Variants in FSD1L observed in about 807,000 individuals in gnomAD.
FSD1L encodes FSD1-like protein.
In FSD1L, 45 loss-of-function variants were observed where a neutral mutation model predicts 71.6. That is an observed-to-expected ratio of 0.63 (90% CI 0.49 to 0.81). FSD1L has a LOEUF of 0.81. Ranked by LOEUF, FSD1L falls within the 30% of genes least tolerant of loss-of-function variation. The pLI is 0.00. For missense variants in FSD1L, 561 were observed against 618.1 expected, an observed-to-expected ratio of 0.91 and a Z score of 0.98; for synonymous variants, 197 against 207.2, an observed-to-expected ratio of 0.95 and a Z score of 0.42.
chr9:105,507,538 C>T (rs776025799), intron 8 of FSD1L, among the ~76,000 whole-genome samples: 1 of 152,162 alleles, frequency 6.6e-6, no homozygotes, highest in Non-Finnish European at 1.5e-5. Context: ...AAAACAGGCT[C>T]GGTCAAGTTG....
intron 7 of FSD1L, among the ~76,000 whole-genome samples, chr9:105,489,245 CT>C (rs1832759341): frequency 6.6e-6 from 1 of 151,992 alleles, no homozygotes; most frequent in African/African-American, 2.4e-5. Flanking sequence ...CTACATATGC[CT>C]TTTTTGGGGC....
intron 10 of FSD1L, among the ~76,000 whole-genome samples, chr9:105,519,552 C>A (rs1375000483): frequency 6.6e-6 from 1 of 152,186 alleles, no homozygotes; most frequent in Non-Finnish European, 1.5e-5. Flanking sequence ...ACAAAAACCA[C>A]ATGATTATCT....
chr9:105,455,179 T>C (rs928461435), intron 1 of FSD1L, among the ~76,000 whole-genome samples: 2 of 152,234 alleles, frequency 1.3e-5, no homozygotes, highest in Non-Finnish European at 2.9e-5. Flanking sequence ...CTCACCTGAA[T>C]GTGTCTTCTG....
At chr9:105,463,310 A>T (rs1411704033) in intron 2 of FSD1L, among the ~76,000 whole-genome samples, 1 of 152,204 alleles carries the variant, frequency 6.6e-6, no homozygotes, top group South Asian at 2.1e-4. Context: ...TACAGAAAAA[A>T]GTCCTATGCT....
chr9:105,515,944 T>C (rs1328578425), intron 10 of FSD1L, among the ~76,000 whole-genome samples: 2 of 152,142 alleles, frequency 1.3e-5, no homozygotes, highest in African/African-American at 4.8e-5. Context: ...ATCCACTGGC[T>C]TGAAATTCTT....
chr9:105,466,169 T>C (rs536085050), intron 3 of FSD1L, among the ~76,000 whole-genome samples: 2 of 152,048 alleles, frequency 1.3e-5, no homozygotes, highest in Non-Finnish European at 2.9e-5. Context: ...AAAATAGGAA[T>C]AAATTTACCT....
upstream of FSD1L, among the ~76,000 whole-genome samples, chr9:105,444,144 G>T (rs1057161448): frequency 6.6e-6 from 1 of 152,134 alleles, no homozygotes; most frequent in African/African-American, 2.4e-5. Flanking sequence ...AGGCCCCAAA[G>T]ATCCAGAAGG....
At chr9:105,475,274 A>T (rs564977754) in intron 5 of FSD1L, among the ~76,000 whole-genome samples, 7 of 152,198 alleles carry the variant, frequency 4.6e-5, no homozygotes, top group Non-Finnish European at 1.0e-4. Flanking sequence ...TTTCCTATCC[A>T]TGGGGTCCCT....
At chr9:105,496,201 GC>G (rs1833389237) in intron 7 of FSD1L, among the ~76,000 whole-genome samples, 1 of 135,574 alleles carries the variant, frequency 7.4e-6, no homozygotes, top group African/African-American at 2.7e-5. Flanking sequence ...GATGACTGTA[GC>G]TTTTTTTTTT....
chr9:105,470,835 T>C (rs1831407144), intron 4 of FSD1L, among the ~76,000 whole-genome samples: 1 of 152,132 alleles, frequency 6.6e-6, no homozygotes, highest in Non-Finnish European at 1.5e-5. Flanking sequence ...TAAATACTAA[T>C]AAGAAATGAA....
At chr9:105,448,691 A>G (rs1432046479) in intron 1 of FSD1L, among the ~76,000 whole-genome samples, 1 of 152,104 alleles carries the variant, frequency 6.6e-6, no homozygotes, top group African/African-American at 2.4e-5. Flanking sequence ...TCTCAGCACC[A>G]CGCTCTTTAG....
At position 105,536,915 on chromosome 9, in the gene FSD1L, C is replaced by G. The variant is rs188262712; in HGVS notation, c.1378+1597C>G. ...GCCTCCCAAAGTGCAGGGATTACTG[C>G]CATGAGCCACCACACCCAGCCAGTT... On this transcript the variant is annotated intron_variant, in intron 12 of 13. Coordinates refer to ENST00000481272, the MANE Select transcript of FSD1L (RefSeq NM_001145313.3). Among the ~76,000 whole-genome samples the G allele has an allele frequency of 9.2e-3, 1,402 of 152,208 alleles. 22 individuals are homozygous for G. Among genetic ancestry groups the G allele is most frequent in the African/African-American group, 0.032 (1,343 of 41,528 alleles).
chr9:105,521,119 A>G lies in FSD1L; in HGVS notation c.1025+8183A>G, dbSNP rs1430102286. The G allele has an allele frequency of 1.1e-5, 17 of 1,613,630 alleles. No individual in the cohort carries two copies. The African/African-American group carries it at 1.9e-4, about 18-fold the overall frequency. The stretch of plus-strand genomic sequence containing the variant: ...ATAAAGAAAGATGCTGAAACCAATG[A>G]AGCAATCTATTGTACAAAGGAGCCT... On this transcript the variant is annotated intron_variant, in intron 10 of 13. Transcript: ENST00000481272.
intron 1 of FSD1L, among the ~76,000 whole-genome samples, chr9:105,452,661 G>GCCTTCCTCCCTT (rs1442328790): frequency 5.0e-4 from 48 of 95,298 alleles, no homozygotes; most frequent in Non-Finnish European, 7.3e-4. Flanking sequence ...CTGCCTGCCT[G>GCCTTCCTCCCTT]CCTGCCTGCC....
intron 7 of FSD1L, among the ~76,000 whole-genome samples, chr9:105,487,406 T>C (rs1303020481): frequency 6.6e-6 from 1 of 151,784 alleles, no homozygotes; most frequent in Non-Finnish European, 1.5e-5. Flanking sequence ...GTTATACTGC[T>C]GCAAACACTG....
chr9:105,443,597 G>T (rs549734816), upstream of FSD1L, among the ~76,000 whole-genome samples: 1 of 152,264 alleles, frequency 6.6e-6, no homozygotes, highest in African/African-American at 2.4e-5. Flanking sequence ...CCAAGGGGTT[G>T]CAGGGATTTT....
At chr9:105,520,396 C>T (rs947016512) in intron 10 of FSD1L, 37 of 1,157,412 alleles carry the variant, frequency 3.2e-5, no homozygotes, top group Non-Finnish European at 4.1e-5. Flanking sequence ...AACAGTTTTT[C>T]GACAACATTT....
chr9:105,541,591 G>A (rs1009996919), intron 13 of FSD1L, among the ~76,000 whole-genome samples: 5 of 151,886 alleles, frequency 3.3e-5, no homozygotes, highest in Non-Finnish European at 7.4e-5. Context: ...TTCATTGAAG[G>A]CTTGCTTTTA....
intron 7 of FSD1L, among the ~76,000 whole-genome samples, chr9:105,503,197 A>G (rs1005812180): frequency 2.0e-5 from 3 of 152,180 alleles, no homozygotes; most frequent in African/African-American, 7.2e-5. Flanking sequence ...AGAAAAATGT[A>G]GTAGGTTTTA....
Sources: gnomAD v4.1 joint callset for allele counts (sites outside exome capture counted in the v4.1 genomes callset) on GRCh38, gnomAD v4.1.1 for gene constraint, MANE v1.5 for transcripts, NCBI Gene and HGNC (gene_info 2026-07-23, HGNC 2026-07-21) for gene names.